The following SMAP1 variants were observed in gnomAD, a reference collection of about 807,000 sequenced individuals.
SMAP1 encodes stromal membrane-associated protein 1.
In SMAP1, 24 loss-of-function variants were observed where a neutral mutation model predicts 58.5. The observed-to-expected ratio is 0.41, with a 90% CI of 0.30 to 0.58. SMAP1 has a LOEUF of 0.58. Ranked by LOEUF, SMAP1 falls within the 20% of genes least tolerant of loss-of-function variation. The pLI is 0.29. For missense variants in SMAP1, 563 were observed against 566.3 expected, an observed-to-expected ratio of 0.99 and a Z score of 0.06; for synonymous variants, 216 against 196.6, an observed-to-expected ratio of 1.10 and a Z score of -0.82.
chr6:70,683,837 C>T (rs1017187808), intron 1 of SMAP1, among the ~76,000 whole-genome samples: 11 of 152,320 alleles, frequency 7.2e-5, no homozygotes, highest in African/African-American at 1.9e-4. Flanking sequence ...GGTTAAATGA[C>T]TTGTTAAAAG....
At chr6:70,766,073 A>G (rs1345015359) in intron 3 of SMAP1, among the ~76,000 whole-genome samples, 1 of 151,872 alleles carries the variant, frequency 6.6e-6, no homozygotes, top group Non-Finnish European at 1.5e-5. Flanking sequence ...AAGGACATGA[A>G]CTCATCATTT....
chr6:70,776,212 C>T (rs973596280), intron 4 of SMAP1, among the ~76,000 whole-genome samples: 1 of 152,110 alleles, frequency 6.6e-6, no homozygotes, highest in African/African-American at 2.4e-5. Flanking sequence ...GAGACAGAGT[C>T]TCGCTCTGTT....
intron 1 of SMAP1, among the ~76,000 whole-genome samples, chr6:70,687,902 A>G (rs1281650923): frequency 6.6e-6 from 1 of 152,150 alleles, no homozygotes; most frequent in Non-Finnish European, 1.5e-5. Context: ...TGGAACAGTT[A>G]TATACCACAA....
rs529066107 is a variant in SMAP1, at chr6:70,679,905, G to T, written c.118+11764G>T. 3.2e-4 allele frequency among the ~76,000 whole-genome samples: 49 copies of T among 152,208 alleles called. No homozygotes were observed. The South Asian group carries it at 3.5e-3, about 11-fold the overall frequency. On this transcript the variant is annotated intron_variant, in intron 1 of 10. Transcript: ENST00000370455. ...CTGATTCTAAAATTTTTAATGAAAT[G>T]CAAGGGACCTTCCAAAATCAAAACA...
chr6:70,811,469 A>C (rs1481269190), intron 6 of SMAP1, among the ~76,000 whole-genome samples: 1 of 152,070 alleles, frequency 6.6e-6, no homozygotes. Flanking sequence ...CCTGCCTGTT[A>C]CGCGATCCTC....
intron 1 of SMAP1, among the ~76,000 whole-genome samples, chr6:70,673,213 A>G (rs1766339751): frequency 6.6e-6 from 1 of 152,240 alleles, no homozygotes; most frequent in Non-Finnish European, 1.5e-5. Context: ...TCAAGGCCAC[A>G]CATACCACCA....
chr6:70,783,395 C>T (rs1340287003), intron 4 of SMAP1, among the ~76,000 whole-genome samples: 5 of 152,162 alleles, frequency 3.3e-5, no homozygotes, highest in African/African-American at 4.8e-5. Flanking sequence ...AGCAGAGCAC[C>T]TCTCATCCTC....
At chr6:70,826,142 T>C (rs778763681) in intron 6 of SMAP1, among the ~76,000 whole-genome samples, 1 of 152,196 alleles carries the variant, frequency 6.6e-6, no homozygotes, top group Non-Finnish European at 1.5e-5. Flanking sequence ...TGCTTACTTC[T>C]CACAAAAATC....
At chr6:70,677,183 T>TTC (rs1443063022) in intron 1 of SMAP1, among the ~76,000 whole-genome samples, 2 of 148,038 alleles carry the variant, frequency 1.4e-5, no homozygotes, top group African/African-American at 4.9e-5. Flanking sequence ...ATATATAATT[T>TTC]TTTTTTTTTT....
intron 1 of SMAP1, among the ~76,000 whole-genome samples, chr6:70,718,391 C>T (rs1262521190): frequency 2.6e-5 from 4 of 151,986 alleles, no homozygotes; most frequent in Non-Finnish European, 5.9e-5. Flanking sequence ...TTTATTTCTC[C>T]CCTTACATCA....
intron 1 of SMAP1, among the ~76,000 whole-genome samples, chr6:70,695,072 T>G (rs989167982): frequency 5.9e-5 from 9 of 152,228 alleles, no homozygotes; most frequent in Non-Finnish European, 1.3e-4. Context: ...ATTACTTTCT[T>G]GATTGCTTTT....
intron 1 of SMAP1, among the ~76,000 whole-genome samples, chr6:70,708,584 A>G (rs946890352): frequency 1.3e-5 from 2 of 152,222 alleles, no homozygotes; most frequent in Admixed American, 1.3e-4. Flanking sequence ...TCATACCAAT[A>G]GTATATAAGG....
intron 6 of SMAP1, among the ~76,000 whole-genome samples, chr6:70,824,694 G>A (rs1220995886): frequency 6.6e-6 from 1 of 152,136 alleles, no homozygotes; most frequent in African/African-American, 2.4e-5. Flanking sequence ...TCTTAGCAGA[G>A]CAGTGGAAAC....
intron 5 of SMAP1, among the ~76,000 whole-genome samples, chr6:70,795,001 G>A (rs1169867663): frequency 1.3e-5 from 2 of 151,954 alleles, no homozygotes; most frequent in Admixed American, 1.3e-4. Flanking sequence ...TGTTAGCCCG[G>A]ATGGTCTCGA....
intron 6 of SMAP1, among the ~76,000 whole-genome samples, chr6:70,815,733 G>A (rs1769600433): frequency 6.6e-6 from 1 of 152,014 alleles, no homozygotes; most frequent in Non-Finnish European, 1.5e-5. Context: ...GATGATTGCT[G>A]TCAATCCCCA....
chr6:70,789,328 C>T (rs1035666675), intron 4 of SMAP1, among the ~76,000 whole-genome samples: 1 of 152,014 alleles, frequency 6.6e-6, no homozygotes, highest in Non-Finnish European at 1.5e-5. Context: ...TTTCTTTGTG[C>T]CCCTCGCTAG....
intron 4 of SMAP1, among the ~76,000 whole-genome samples, chr6:70,776,681 T>A (rs1430343866): frequency 6.6e-6 from 1 of 152,194 alleles, no homozygotes; most frequent in Non-Finnish European, 1.5e-5. Flanking sequence ...CCATAGTTCT[T>A]CCCTCTACTT....
At chr6:70,751,779 G>T (rs2149885670) in intron 2 of SMAP1, among the ~76,000 whole-genome samples, 1 of 152,206 alleles carries the variant, frequency 6.6e-6, no homozygotes, top group Non-Finnish European at 1.5e-5. Flanking sequence ...AGTACTTAGG[G>T]TCCGTCTTGA....
chr6:70,680,281 G>A (rs951174951), intron 1 of SMAP1, among the ~76,000 whole-genome samples: 4 of 152,200 alleles, frequency 2.6e-5, no homozygotes, highest in Non-Finnish European at 5.9e-5. Flanking sequence ...GAATTAAGCA[G>A]AGGATTCTTG....
Sources: gnomAD v4.1 joint callset for allele counts (sites outside exome capture counted in the v4.1 genomes callset) on GRCh38, gnomAD v4.1.1 for gene constraint, MANE v1.5 for transcripts, NCBI Gene and HGNC (gene_info 2026-07-23, HGNC 2026-07-21) for gene names.